DSCAM: variants seen among roughly 807,000 people sequenced by gnomAD.
The protein encoded by DSCAM is DS cell adhesion molecule.
DSCAM carries 47 observed loss-of-function variants against 217.7 expected under a neutral mutation model. The observed-to-expected ratio is 0.22, with a 90% confidence interval of 0.17 to 0.28. The LOEUF (loss-of-function observed/expected upper bound fraction) is 0.28, where lower values mean the gene tolerates loss of function less well. Ranked by LOEUF, DSCAM falls within the 10% of genes least tolerant of loss-of-function variation. The pLI is 1.00. For missense variants in DSCAM, 2,080 were observed against 2,618.3 expected (o/e 0.79, Z 4.49); for synonymous variants, 1,056 against 1,015.3 (o/e 1.04, Z -0.76).
intron 32 of DSCAM, among the ~76,000 whole-genome samples, chr21:40,023,356 T>C (rs1350698001): frequency 6.6e-6 from 1 of 152,116 alleles, no homozygotes; most frequent in African/African-American, 2.4e-5. Flanking sequence ...TATAGCAGCA[T>C]GATTTATATT....
intron 3 of DSCAM, among the ~76,000 whole-genome samples, chr21:40,410,472 G>A (rs188441178): frequency 1.0e-3 from 154 of 151,962 alleles, no homozygotes; most frequent in Admixed American, 2.8e-3. Context: ...TTTGAAGGGA[G>A]TATTGAAATA....
At chr21:40,686,348 G>A (rs936804427) in intron 3 of DSCAM, among the ~76,000 whole-genome samples, 2 of 145,126 alleles carry the variant, frequency 1.4e-5, no homozygotes, top group African/African-American at 2.6e-5. Flanking sequence ...CACCCCACAT[G>A]CCACACACAC....
chr21:40,161,666 A>G (rs989263077), intron 16 of DSCAM, among the ~76,000 whole-genome samples: 2 of 152,156 alleles, frequency 1.3e-5, no homozygotes, highest in Non-Finnish European at 2.9e-5. Context: ...GTTATCAAGG[A>G]AGGAGGTTAG....
intron 11 of DSCAM, among the ~76,000 whole-genome samples, chr21:40,198,563 C>T (rs2146851030): frequency 6.6e-6 from 1 of 152,302 alleles, no homozygotes; most frequent in African/African-American, 2.4e-5. Flanking sequence ...CTGGTACTGC[C>T]ACCTAGAAGC....
chr21:40,520,334 C>A (rs936014994), intron 3 of DSCAM, among the ~76,000 whole-genome samples: 2 of 152,034 alleles, frequency 1.3e-5, no homozygotes, highest in Non-Finnish European at 2.9e-5. Flanking sequence ...TATAGCAAGT[C>A]AGTTAAGAGG....
intron 3 of DSCAM, among the ~76,000 whole-genome samples, chr21:40,374,124 T>G (rs2074926995): frequency 6.6e-6 from 1 of 152,204 alleles, no homozygotes; most frequent in Non-Finnish European, 1.5e-5. Context: ...TTTCACATCG[T>G]GTATACACAT....
chr21:40,144,393 C>G lies in DSCAM; in HGVS notation c.3259+98G>C. The G allele has an allele frequency of 1.9e-6, 3 of 1,546,922 alleles. No individual in the cohort carries two copies. Among genetic ancestry groups the G allele is most frequent in the Non-Finnish European group, 1.8e-6 (2 of 1,142,498 alleles). On this transcript the variant is annotated intron_variant, in intron 17 of 32. Transcript: ENST00000400454. The surrounding 1 kb of genome is among the most constrained non-coding windows in gnomAD (Gnocchi z 4.8). ...CAGGCCCTGCAGGTCACTGCAAAGT[C>G]GTGGGGCGGGGGAGTGCGAGGTTGG...
intron 3 of DSCAM, among the ~76,000 whole-genome samples, chr21:40,670,041 T>C (rs2090253856): frequency 1.3e-5 from 2 of 152,168 alleles, no homozygotes; most frequent in Admixed American, 1.3e-4. Context: ...AAGTTGTTTA[T>C]AAAATACAAT....
rs796410026 is a variant in DSCAM, at chr21:40,342,792, T to G, written c.1211-3377A>C. On this transcript the variant is annotated intron_variant, in intron 6 of 32. Coordinates refer to ENST00000400454, the MANE Select transcript of DSCAM (RefSeq NM_001389.5). ...TGTAGAGACAAAGTTTTGCCATGTT[T>G]CCCAGGCTGGCCTCAAACTCCTGGG... 1.4e-3 allele frequency among the ~76,000 whole-genome samples: 207 copies of G among 143,762 alleles called. 2 individuals are homozygous for G. Among genetic ancestry groups the G allele is most frequent in the African/African-American group, 4.2e-3 (160 of 38,252 alleles). 94.3% of individuals were successfully genotyped at this position (143,762 alleles called of 152,430 possible).
At chr21:40,328,914 C>T (rs944559069) in intron 8 of DSCAM, among the ~76,000 whole-genome samples, 4 of 152,018 alleles carry the variant, frequency 2.6e-5, no homozygotes, top group Admixed American at 6.6e-5. Context: ...ATAAAAAATG[C>T]TCAACATCGC....
At chr21:40,324,448 T>C (rs1018770407) in intron 8 of DSCAM, among the ~76,000 whole-genome samples, 2 of 152,298 alleles carry the variant, frequency 1.3e-5, no homozygotes, top group Admixed American at 6.5e-5. Context: ...CCCTGCAATA[T>C]TGTCAACCAG....
At chr21:40,301,049 T>G (rs1482333254) in intron 9 of DSCAM, among the ~76,000 whole-genome samples, 1 of 152,224 alleles carries the variant, frequency 6.6e-6, no homozygotes. Flanking sequence ...GATCCAGGAA[T>G]GACATCCCAA....
chr21:40,443,877 C>A (rs1424937038), intron 3 of DSCAM, among the ~76,000 whole-genome samples: 1 of 152,104 alleles, frequency 6.6e-6, no homozygotes, highest in African/African-American at 2.4e-5. Flanking sequence ...TATTCCTATC[C>A]ACTTTACAAA....
chr21:40,643,286 CTTGTT>C (rs2089905365), intron 3 of DSCAM, among the ~76,000 whole-genome samples: 1 of 152,180 alleles, frequency 6.6e-6, no homozygotes, highest in South Asian at 2.1e-4. Context: ...CTGACTTCTT[CTTGTT>C]TTATTTTCTC....
intron 3 of DSCAM, among the ~76,000 whole-genome samples, chr21:40,540,745 T>C (rs2076536762): frequency 1.3e-5 from 2 of 152,172 alleles, no homozygotes; most frequent in South Asian, 4.1e-4. Context: ...CCAGCCTTTC[T>C]GTGCAACCCT....
intron 3 of DSCAM, among the ~76,000 whole-genome samples, chr21:40,528,688 G>A (rs73364926): frequency 0.079 from 11,955 of 151,812 alleles, 798 homozygotes; most frequent in African/African-American, 0.18. Context: ...GGCTTTATAC[G>A]TCCCTACTCC....
At chr21:40,839,915 A>G (rs1434573310) in intron 1 of DSCAM, among the ~76,000 whole-genome samples, 1 of 152,178 alleles carries the variant, frequency 6.6e-6, no homozygotes. Context: ...CCTTCTTCAT[A>G]TCTTGACATA....
At chr21:40,134,184 C>T (rs940710906) in intron 18 of DSCAM, among the ~76,000 whole-genome samples, 175 bp from the exon 19 acceptor site, 4 of 152,156 alleles carry the variant, frequency 2.6e-5, no homozygotes, top group African/African-American at 7.2e-5. Context: ...CATGGTGTCA[C>T]GTGGCCCTTT....
Position 40,436,255 on chromosome 21 carries a change from TA to T in DSCAM, c.509-67011del, listed in dbSNP as rs563423306. 6.0e-4 allele frequency among the ~76,000 whole-genome samples: 92 copies of T among 152,342 alleles called. 2 individuals are homozygous for T. In the Middle Eastern group the frequency reaches 0.01, roughly 17 times the overall value. On this transcript the variant is annotated intron_variant, in intron 3 of 32. Transcript: ENST00000400454. ...AATTGTAGTGATGTATTTCTTCATCTAAAAATAGTTTTATAATTCAGAAATT... is the reference window on the plus strand; with the variant it reads ...AATTGTAGTGATGTATTTCTTCATCTAAAATAGTTTTATAATTCAGAAATT...
Sources: gnomAD v4.1 joint callset for allele counts (sites outside exome capture counted in the v4.1 genomes callset) on GRCh38, gnomAD v4.1.1 for gene constraint, Gnocchi (gnomAD v3.1) non-coding constraint, MANE v1.5 for transcripts, NCBI Gene and HGNC (gene_info 2026-07-23, HGNC 2026-07-21) for gene names.